Variants in ZNF888 observed in about 807,000 individuals in gnomAD.
The protein encoded by ZNF888 is CTD-2331H12.6.
A neutral mutation model predicts 7.2 loss-of-function variants in ZNF888; 5 were observed. The observed-to-expected ratio is 0.70, with a 90% CI of 0.36 to 1.46. The LOEUF is 1.46. ZNF888 is among the 40% of genes most tolerant of loss of function. ZNF888 has a pLI of 0.03. For missense variants in ZNF888, 716 were observed against 858.0 expected (o/e 0.83, Z 2.07); for synonymous variants, 240 against 284.3 (o/e 0.84, Z 1.57).
At chr19:52,918,009 C>T (rs1482176615) in intron 2 of ZNF888, 78 bp from the exon 3 acceptor site, 21 of 1,540,640 alleles carry the variant, frequency 1.4e-5, no homozygotes, top group Admixed American at 5.8e-5. Flanking sequence ...TGTAAAACAA[C>T]GACACATACA....
intron 4 of ZNF888, chr19:52,914,292 C>T (rs1279428836): frequency 1.2e-5 from 12 of 964,268 alleles, no homozygotes; most frequent in East Asian, 1.1e-4. Flanking sequence ...CTCTTACCTG[C>T]GTTTACACCT....
At chr19:52,910,924 G>A (rs1460770750) in intron 4 of ZNF888, among the ~76,000 whole-genome samples, 6 of 151,894 alleles carry the variant, frequency 4.0e-5, no homozygotes, top group South Asian at 2.1e-4. Flanking sequence ...TCTGTCACCC[G>A]GGCTGGAGTG....
chr19:52,908,976 C>A (rs1019818109), intron 4 of ZNF888, among the ~76,000 whole-genome samples: 1 of 151,190 alleles, frequency 6.6e-6, no homozygotes, highest in Non-Finnish European at 1.5e-5. Context: ...AAAACCCCGT[C>A]TCTACTAAAA....
Position 52,906,558 on chromosome 19 carries a change from C to T in ZNF888, c.1764G>A (p.Arg588=). Residue 588 remains arginine, a synonymous_variant, in exon 5 of 5, where the codon AGG becomes AGA. Transcript: ENST00000638862. Reference sequence around the variant, plus strand: ...GATGACATGCAAGTTGTGACTGTGTCCTAAAAACCTTGCCACATTCATTAC... The same window carrying T: ...GATGACATGCAAGTTGTGACTGTGTTCTAAAAACCTTGCCACATTCATTAC... The part of the protein sequence containing the change: ...YKCNECGKVF[R]TQSQLACHHR... The T allele has an allele frequency of 1.2e-6, 2 of 1,612,658 alleles. No individual in the cohort carries two copies. Among genetic ancestry groups the T allele is most frequent in the South Asian group, 2.2e-5 (2 of 90,962 alleles).
chr19:52,922,066 G>C (rs894828180), intron 1 of ZNF888, among the ~76,000 whole-genome samples: 9 of 152,120 alleles, frequency 5.9e-5, no homozygotes, highest in African/African-American at 1.9e-4. Flanking sequence ...TGTATTCCCA[G>C]CACTTTGGGA....
intron 3 of ZNF888, 95 bp downstream of exon 3, chr19:52,917,764 C>A: frequency 1.9e-6 from 3 of 1,593,588 alleles, no homozygotes; most frequent in Non-Finnish European, 2.6e-6. Context: ...ACCTGTCACG[C>A]AGGATGCTTC....
At chr19:52,923,116 T>A (rs182333449) in intron 1 of ZNF888, among the ~76,000 whole-genome samples, 92 of 152,114 alleles carry the variant, frequency 6.0e-4, no homozygotes, top group African/African-American at 2.0e-3. Context: ...AACAAACGGT[T>A]GTGAACGGGA....
rs1454113258 is a variant in ZNF888 at position 52,919,727 on chromosome 19, C to T, written c.-177-790G>A. 1.8e-4 allele frequency among the ~76,000 whole-genome samples: 11 copies of T among 60,396 alleles called. 3 individuals carry two copies. The highest frequency in any genetic ancestry group is 4.1e-4 in the Admixed American group (2 of 4,894). The allele number at this position is 60,396 out of a possible 152,430, so 39.6% of individuals were successfully genotyped here. ...CTAGGAAGTGAGGAGTGTCTCTGCC[C>T]GGCCACCCATCGTCTGAGATGTGGG... On this transcript the variant is annotated intron_variant, in intron 1 of 4. Coordinates refer to ENST00000638862, the MANE Select transcript of ZNF888 (RefSeq NM_001393938.1).
intron 4 of ZNF888, chr19:52,913,816 A>G (rs2064713676): frequency 1.2e-6 from 1 of 858,010 alleles, no homozygotes; most frequent in South Asian, 5.3e-5. Context: ...ACTAAGAACT[A>G]AAAGACAAAA....
At chr19:52,922,397 C>A (rs533130116) in intron 1 of ZNF888, among the ~76,000 whole-genome samples, 2 of 152,198 alleles carry the variant, frequency 1.3e-5, no homozygotes, top group East Asian at 3.9e-4. Flanking sequence ...CCACCAGCAC[C>A]ACTCTGCTCT....
chr19:52,920,290 C>A (rs1847527400), intron 1 of ZNF888, among the ~76,000 whole-genome samples: 1 of 63,260 alleles, frequency 1.6e-5, no homozygotes, highest in African/African-American at 5.2e-5. Context: ...GGGTGGTTGC[C>A]GGGTCTGTGT....
chr19:52,915,111 C>T, intron 4 of ZNF888, 85 bp downstream of exon 4: 1 of 1,530,082 alleles, frequency 6.5e-7, no homozygotes, highest in Non-Finnish European at 8.7e-7. Context: ...CCATTTTAGT[C>T]AAGCAAGGAT....
chr19:52,920,938 TAAAAAAAAAAA>T (rs145361548), intron 1 of ZNF888, among the ~76,000 whole-genome samples: 1 of 6,532 alleles, frequency 1.5e-4, no homozygotes, highest in African/African-American at 3.8e-4. Context: ...CTTCAAATAT[TAAAAAAAAAAA>T]AAAAAAAAAA....
At chr19:52,922,042 T>C (rs1217159740) in intron 1 of ZNF888, among the ~76,000 whole-genome samples, 1 of 152,076 alleles carries the variant, frequency 6.6e-6, no homozygotes, top group Non-Finnish European at 1.5e-5. Context: ...TGGCCAGGTG[T>C]GATGGCTCAC....
intron 3 of ZNF888, among the ~76,000 whole-genome samples, chr19:52,915,594 C>T (rs1048145056): frequency 3.3e-5 from 5 of 152,084 alleles, no homozygotes; most frequent in Non-Finnish European, 7.3e-5. Context: ...CCTCCCTCAG[C>T]CTCCCAAGTA....
At chr19:52,922,265 A>C (rs529418323) in intron 1 of ZNF888, among the ~76,000 whole-genome samples, 3 of 18,266 alleles carry the variant, frequency 1.6e-4, no homozygotes, top group Admixed American at 9.7e-4. Flanking sequence ...CTCTTCTCCC[A>C]TCTCTCCTGA....
At chr19:52,914,410 T>C (rs1218765341) in intron 4 of ZNF888, 1 of 907,466 alleles carries the variant, frequency 1.1e-6, no homozygotes, top group Non-Finnish European at 1.3e-6. Context: ...CAGAGACTCC[T>C]ACTTATAAAA....
intron 4 of ZNF888, chr19:52,913,697 C>T: frequency 6.1e-6 from 6 of 980,764 alleles, no homozygotes; most frequent in Non-Finnish European, 7.3e-6. Flanking sequence ...ACAATAACCT[C>T]TGCCCATATA....
rs544581641 is a variant in ZNF888, at chr19:52,906,855, A to G, written c.1467T>C (p.Thr489=). ...CCTTACATTTGTATGGTTTCTCACC[A>G]GTGTGAATTCTCCTATGTCTTTCAA... The part of the protein sequence containing the change: ...SHLERHRRIH[T]GEKPYKCKVC... Residue 489 remains threonine (T), a synonymous_variant, in exon 5 of 5, where the codon ACT becomes ACC. Coordinates refer to ENST00000638862, the MANE Select transcript of ZNF888 (RefSeq NM_001393938.1). 2.4e-5 allele frequency: 39 copies of G among 1,612,942 alleles called. No homozygotes were observed. In the African/African-American group the frequency reaches 4.7e-4, roughly 19 times the overall value.
Sources: allele counts gnomAD v4.1 joint callset (sites outside exome capture counted in the v4.1 genomes callset), GRCh38; gene constraint gnomAD v4.1.1; transcripts MANE v1.5; gene names NCBI Gene and HGNC (gene_info 2026-07-23, HGNC 2026-07-21).